Variants in NRG1 observed in about 807,000 individuals in gnomAD.
NRG1 encodes the protein pro-neuregulin-1, membrane-bound isoform.
NRG1 carries 18 observed loss-of-function variants against 63.8 expected under a neutral mutation model. That is an observed-to-expected ratio of 0.28 (90% CI 0.19 to 0.42). The LOEUF is 0.42. NRG1 is among the 10% of genes least tolerant of loss of function. The probability of loss-of-function intolerance (pLI) is 1.00; values close to 1 mark genes in which losing one functional copy is unlikely to be tolerated. For missense variants in NRG1, 762 were observed against 814.7 expected, an observed-to-expected ratio of 0.94 and a Z score of 0.79; for synonymous variants, 302 against 301.3, an observed-to-expected ratio of 1.00 and a Z score of -0.02.
At chr8:32,516,401 A>T (rs1829828157) in intron 1 of NRG1, among the ~76,000 whole-genome samples, 1 of 152,088 alleles carries the variant, frequency 6.6e-6, no homozygotes, top group South Asian at 2.1e-4. Context: ...GGATTGCTTT[A>T]GTTATTCAGG....
chr8:32,601,058 T>A (rs1037826047), intron 2 of NRG1, among the ~76,000 whole-genome samples: 1 of 152,152 alleles, frequency 6.6e-6, no homozygotes, highest in African/African-American at 2.4e-5. Context: ...CATTCTACAC[T>A]CTTACTACAT....
chr8:32,341,667 C>T (rs993756388), intron 1 of NRG1, among the ~76,000 whole-genome samples: 8 of 152,068 alleles, frequency 5.3e-5, no homozygotes, highest in Non-Finnish European at 8.8e-5. Context: ...TTTCCGTGTC[C>T]GTTCTCAGGC....
intron 1 of NRG1, among the ~76,000 whole-genome samples, chr8:32,171,975 G>A (rs1840110503): frequency 6.6e-6 from 1 of 152,170 alleles, no homozygotes; most frequent in Admixed American, 6.5e-5. Context: ...AAATGTCCCT[G>A]TCTGACAGCT....
intron 1 of NRG1, among the ~76,000 whole-genome samples, chr8:32,189,729 A>G (rs1333322937): frequency 6.6e-6 from 1 of 152,172 alleles, no homozygotes; most frequent in Non-Finnish European, 1.5e-5. Flanking sequence ...GTTAAGGCTT[A>G]CTGCTAACTG....
intron 1 of NRG1, among the ~76,000 whole-genome samples, chr8:31,641,414 G>A (rs1736399385): frequency 3.3e-5 from 5 of 151,700 alleles, no homozygotes; most frequent in Admixed American, 3.3e-4. Context: ...GCACTTCACT[G>A]CATCAGAACA....
intron 1 of NRG1, among the ~76,000 whole-genome samples, chr8:32,147,001 A>C (rs1220747004): frequency 6.6e-6 from 1 of 152,200 alleles, no homozygotes; most frequent in East Asian, 1.9e-4. Context: ...ATCTAGAAAA[A>C]TGTGTACATA....
chr8:32,433,358 G>A (rs1002612672), intron 1 of NRG1, among the ~76,000 whole-genome samples: 10 of 152,138 alleles, frequency 6.6e-5, no homozygotes, highest in African/African-American at 2.4e-4. Flanking sequence ...TGGATAGCAG[G>A]CTCCTGGAGG....
chr8:32,317,851 T>C (rs1026275797), intron 1 of NRG1, among the ~76,000 whole-genome samples: 1 of 152,196 alleles, frequency 6.6e-6, no homozygotes, highest in South Asian at 2.1e-4. Context: ...TGTTGAGCAG[T>C]TGCAAAGCTT....
chr8:32,012,779 T>C (rs1436731461), intron 1 of NRG1, among the ~76,000 whole-genome samples: 1 of 152,172 alleles, frequency 6.6e-6, no homozygotes, highest in East Asian at 1.9e-4. Flanking sequence ...GTTTGGCACC[T>C]CAGCACATGC....
chr8:32,068,309 G>A (rs149561548), intron 1 of NRG1, among the ~76,000 whole-genome samples: 1 of 152,296 alleles, frequency 6.6e-6, no homozygotes, highest in East Asian at 1.9e-4. Flanking sequence ...GCTGAGGTGG[G>A]ATTAGTAATT....
At chr8:31,849,740 TG>T (rs1467035331) in intron 1 of NRG1, among the ~76,000 whole-genome samples, 7 of 152,204 alleles carry the variant, frequency 4.6e-5, no homozygotes, top group African/African-American at 1.7e-4. Flanking sequence ...AATGTGTTAC[TG>T]GTGATGAAGA....
At chr8:31,917,295 A>C (rs1171938825) in intron 1 of NRG1, among the ~76,000 whole-genome samples, 2 of 147,764 alleles carry the variant, frequency 1.4e-5, no homozygotes, top group Non-Finnish European at 3.0e-5. Flanking sequence ...CTATGTCCTG[A>C]ATGGTAATGC....
intron 1 of NRG1, among the ~76,000 whole-genome samples, chr8:31,883,092 G>T (rs1257415428): frequency 6.6e-6 from 1 of 151,956 alleles, no homozygotes; most frequent in African/African-American, 2.4e-5. Context: ...ATAAAAGGAA[G>T]AGTTAAAGCA....
intron 1 of NRG1, among the ~76,000 whole-genome samples, chr8:32,542,525 T>C (rs1042711683): frequency 6.6e-6 from 1 of 152,230 alleles, no homozygotes; most frequent in Non-Finnish European, 1.5e-5. Flanking sequence ...AGCAACTGAA[T>C]TTCCCTTGAA....
At chr8:32,095,259 A>T (rs539990419) in intron 1 of NRG1, among the ~76,000 whole-genome samples, 185 of 152,304 alleles carry the variant, frequency 1.2e-3, no homozygotes, top group African/African-American at 4.4e-3. Flanking sequence ...TTTCAATATA[A>T]GATAACATGA....
chr8:32,659,766 A>G lies in NRG1; in HGVS notation c.502+42881A>G, dbSNP rs1802418322. On this transcript the variant is annotated intron_variant, in intron 5 of 11. Transcript: ENST00000356819. ...CCGATGGACCATGTTTTAGCCAACT[A>G]GAACTCGACCCTGAATATTATTTTT... 1.3e-5 allele frequency among the ~76,000 whole-genome samples: 2 copies of G among 152,166 alleles called. 1 individual carries two copies. Among genetic ancestry groups the G allele is most frequent in the South Asian group, 4.1e-4 (2 of 4,820 alleles).
chr8:32,195,548 T>A (rs1331185039), intron 1 of NRG1, among the ~76,000 whole-genome samples: 1 of 152,128 alleles, frequency 6.6e-6, no homozygotes, highest in African/African-American at 2.4e-5. Context: ...TTCTCATATA[T>A]TGCATATATT....
At chr8:32,293,066 T>C in intron 1 of NRG1, among the ~76,000 whole-genome samples, 1 of 152,074 alleles carries the variant, frequency 6.6e-6, no homozygotes, top group Admixed American at 6.6e-5. Flanking sequence ...ATCATGCCAC[T>C]GCACTCCAGC....
At position 32,077,101 on chromosome 8, in the gene NRG1, T is replaced by G. The variant is rs545773764; in HGVS notation, c.37+437670T>G. Among the ~76,000 whole-genome samples the G allele has an allele frequency of 7.9e-5, 12 of 152,322 alleles. No individual in the cohort carries two copies. In the South Asian group the frequency reaches 1.9e-3, roughly 24 times the overall value. On this transcript the variant is annotated intron_variant, in intron 1 of 10. Transcript: ENST00000519301. Reference sequence around the variant, plus strand: ...AAAATTGTTGGCTATACATGTTGGCTCACGCCTGTAATCCCAGCACTTTGG... The same window carrying G: ...AAAATTGTTGGCTATACATGTTGGCGCACGCCTGTAATCCCAGCACTTTGG...
Sources: allele counts gnomAD v4.1 joint callset (sites outside exome capture counted in the v4.1 genomes callset), GRCh38; gene constraint gnomAD v4.1.1; transcripts MANE v1.5; gene names NCBI Gene and HGNC (gene_info 2026-07-23, HGNC 2026-07-21).